PPARD: variants seen among roughly 807,000 people sequenced by gnomAD.
The protein encoded by PPARD is peroxisome proliferator activated receptor delta, also known as peroxisome proliferator-activated receptor delta.
Under a neutral mutation model 39.5 loss-of-function variants are expected in PPARD, and 6 were observed. The observed-to-expected ratio is 0.15, with a 90% confidence interval of 0.08 to 0.30. The LOEUF is 0.30. Among genes scored for constraint, PPARD ranks in the 10% least tolerant of loss-of-function variants. The probability of loss-of-function intolerance (pLI) is 1.00; values close to 1 mark genes in which losing one functional copy is unlikely to be tolerated. For synonymous variants in PPARD, 210 were observed against 231.3 expected (o/e 0.91, Z 0.83); for missense variants, 397 against 596.8 (o/e 0.67, Z 3.49).
At chr6:35,351,673 C>T (rs1293692468) in intron 2 of PPARD, among the ~76,000 whole-genome samples, 7 of 152,170 alleles carry the variant, frequency 4.6e-5, no homozygotes, top group Admixed American at 3.3e-4. Flanking sequence ...CCTGCCTCAG[C>T]GTCCAGAGTA....
chr6:35,388,005 A>G (rs1296709304), intron 2 of PPARD, among the ~76,000 whole-genome samples: 3 of 148,174 alleles, frequency 2.0e-5, no homozygotes. Context: ...TACAGGTGCG[A>G]GCCACCACAC....
intron 2 of PPARD, among the ~76,000 whole-genome samples, chr6:35,406,300 G>GGGGT (rs2150754258): frequency 6.6e-6 from 1 of 152,326 alleles, no homozygotes; most frequent in Admixed American, 6.5e-5. Flanking sequence ...TGTGGTGGGT[G>GGGGT]GGGTGGCAGC....
At chr6:35,414,890 C>T (rs1765650580) in intron 3 of PPARD, among the ~76,000 whole-genome samples, 1 of 152,118 alleles carries the variant, frequency 6.6e-6, no homozygotes, top group Non-Finnish European at 1.5e-5. Context: ...CAACACCTGC[C>T]ATGCACCTTC....
rs61314141 is a variant in PPARD, at chr6:35,387,716, C to CTTTTTTT, written c.-101-23254_-101-23248dup. Among the ~76,000 whole-genome samples, 115 of 89,324 alleles carry CTTTTTTT rather than the reference C, an allele frequency of 1.3e-3. 2 individuals are homozygous for CTTTTTTT. The highest frequency in any genetic ancestry group is 3.1e-3 in the African/African-American group (62 of 19,898). 58.6% of individuals were successfully genotyped at this position (89,324 alleles called of 152,430 possible). On this transcript the variant is annotated intron_variant, in intron 2 of 7. Transcript: ENST00000360694. ...TCAGCATATACAGATACACTGCATT[C>CTTTTTTT]TTTTTTTTTTTTTTTTTTTTTTTGA...
rs201469672 is a variant in PPARD, at chr6:35,420,285, C to T, written c.285+4C>T. The T allele has an allele frequency of 1.4e-4, 210 of 1,541,988 alleles. No individual in the cohort carries two copies. Among genetic ancestry groups the T allele is most frequent in the Middle Eastern group, 3.5e-4 (2 of 5,728 alleles). ...TCATGCATGTGAGGGGTGCAAGGTA[C>T]GGACTGGGGGGAGCGGTGGCTGGCC... On this transcript the variant is annotated splice_donor_region_variant and intron_variant, in intron 4 of 7. Coordinates refer to ENST00000360694, the MANE Select transcript of PPARD (RefSeq NM_006238.5).
At chr6:35,385,236 C>T (rs1239948728) in intron 2 of PPARD, among the ~76,000 whole-genome samples, 28 of 148,868 alleles carry the variant, frequency 1.9e-4, no homozygotes, top group Admixed American at 4.6e-4. Flanking sequence ...GGATGGTTGC[C>T]GTGTCTGTGT....
chr6:35,348,780 G>A lies in PPARD; in HGVS notation c.-102+1630G>A, dbSNP rs149369995. 575 of 985,404 alleles carry A rather than the reference G, an allele frequency of 5.8e-4. 5 individuals are homozygous for A. The African/African-American group carries it at 9.1e-3, about 16-fold the overall frequency. The allele number at this position is 985,404 out of a possible 1,614,324, so 61.0% of individuals were successfully genotyped here. On this transcript the variant is annotated intron_variant, in intron 2 of 7. Coordinates refer to ENST00000360694, the MANE Select transcript of PPARD (RefSeq NM_006238.5). The stretch of plus-strand genomic sequence containing the variant: ...AAACCCATACCAAGTGCTTTCCTCT[G>A]AAGGGAATGTGAGGGAGGAAGAAGG...
At chr6:35,385,178 CT>C (rs1763539261) in intron 2 of PPARD, among the ~76,000 whole-genome samples, 1 of 145,912 alleles carries the variant, frequency 6.9e-6, no homozygotes, top group South Asian at 2.2e-4. Context: ...ACAATGGCGG[CT>C]TTGTGGAATA....
At chr6:35,413,973 C>T (rs1372844390) in intron 3 of PPARD, among the ~76,000 whole-genome samples, 1 of 152,142 alleles carries the variant, frequency 6.6e-6, no homozygotes, top group African/African-American at 2.4e-5. Context: ...GCCACCACAC[C>T]TGGCCAAGTG....
chr6:35,374,272 G>A (rs1271592917), intron 2 of PPARD, among the ~76,000 whole-genome samples: 1 of 147,876 alleles, frequency 6.8e-6, no homozygotes, highest in Non-Finnish European at 1.5e-5. Context: ...TGGGAAACAT[G>A]GGTTTATTGC....
intron 2 of PPARD, among the ~76,000 whole-genome samples, chr6:35,370,409 G>A (rs1762421502): frequency 6.6e-6 from 1 of 152,192 alleles, no homozygotes; most frequent in Admixed American, 6.5e-5. Context: ...ACTGGTTATG[G>A]CTGCTGATTG....
Position 35,379,934 on chromosome 6 carries a change from C to T in PPARD, c.-101-31053C>T, listed in dbSNP as rs367969555. Reference sequence around the variant, plus strand: ...TAATCTCCAAGGTCTTCTAGGGGCACGTCATCAGCAGTTGCTGCTTTTGAG... The same window carrying T: ...TAATCTCCAAGGTCTTCTAGGGGCATGTCATCAGCAGTTGCTGCTTTTGAG... On this transcript the variant is annotated intron_variant, in intron 2 of 7. Coordinates refer to ENST00000360694, the MANE Select transcript of PPARD (RefSeq NM_006238.5). 3.3e-5 allele frequency among the ~76,000 whole-genome samples: 5 copies of T among 152,290 alleles called. No homozygotes were observed. The South Asian group carries it at 6.2e-4, about 19-fold the overall frequency.
intron 2 of PPARD, chr6:35,397,705 C>A: frequency 4.3e-6 from 1 of 231,352 alleles, no homozygotes; most frequent in African/African-American, 2.3e-5. Context: ...GGCTTATATT[C>A]TTTGGGAAGA....
intron 2 of PPARD, among the ~76,000 whole-genome samples, chr6:35,349,499 T>G (rs1761107750): frequency 6.6e-6 from 1 of 152,152 alleles, no homozygotes; most frequent in African/African-American, 2.4e-5. Context: ...AAGAATCTCA[T>G]GTTTTAATAA....
intron 2 of PPARD, among the ~76,000 whole-genome samples, chr6:35,354,377 A>G (rs1376538838): frequency 2.9e-5 from 4 of 137,902 alleles, no homozygotes; most frequent in Non-Finnish European, 6.2e-5. Flanking sequence ...CTCGGCTCAC[A>G]GCAACCTCTG....
chr6:35,380,652 G>A (rs1253758517), intron 2 of PPARD, among the ~76,000 whole-genome samples: 5 of 151,676 alleles, frequency 3.3e-5, no homozygotes, highest in East Asian at 1.9e-4. Context: ...CACCACACCC[G>A]GCTAATTTTT....
At chr6:35,384,263 A>G (rs9470009) in intron 2 of PPARD, among the ~76,000 whole-genome samples, 26,027 of 64,006 alleles carry the variant, frequency 0.41, 3,702 homozygotes, top group African/African-American at 0.65. Flanking sequence ...GGAGGGAGGT[A>G]GGTTCAGCCC....
intron 2 of PPARD, among the ~76,000 whole-genome samples, chr6:35,389,794 C>T (rs775412995): frequency 1.3e-5 from 2 of 152,172 alleles, no homozygotes; most frequent in Non-Finnish European, 2.9e-5. Flanking sequence ...AGAAAGTGTG[C>T]AAAGAGCTAT....
chr6:35,358,715 A>G (rs916400147), intron 2 of PPARD, among the ~76,000 whole-genome samples: 3 of 152,240 alleles, frequency 2.0e-5, no homozygotes, highest in African/African-American at 7.2e-5. Flanking sequence ...CAGTGATATC[A>G]TGAACAAAGA....
Sources: allele counts gnomAD v4.1 joint callset (sites outside exome capture counted in the v4.1 genomes callset), GRCh38; gene constraint gnomAD v4.1.1; transcripts MANE v1.5; gene names NCBI Gene and HGNC (gene_info 2026-07-23, HGNC 2026-07-21).